AGPAT5: variants seen among roughly 807,000 people sequenced by gnomAD.
The protein encoded by AGPAT5 is 1-acylglycerol-3-phosphate O-acyltransferase 5, also known as 1-acyl-sn-glycerol-3-phosphate acyltransferase epsilon.
Under a neutral mutation model 45.6 loss-of-function variants are expected in AGPAT5, and 46 were observed. That is an observed-to-expected ratio of 1.01 (90% CI 0.80 to 1.29). The LOEUF (loss-of-function observed/expected upper bound fraction) is 1.29, where lower values mean the gene tolerates loss of function less well. AGPAT5 is among the 50% of genes most tolerant of loss of function. AGPAT5 has a pLI of 0.00. For synonymous variants in AGPAT5, 272 were observed against 167.0 expected (o/e 1.63, Z -4.85); for missense variants, 673 against 450.7 (o/e 1.49, Z -4.47).
rs188543416 is a variant in AGPAT5 at position 6,728,961 on chromosome 8, A to G, written c.290-1750A>G. ...CCAATAGTATAGATATCTCAACCCA[A>G]TAACACAGGTTGTGTCTGTCTCTGG... On this transcript the variant is annotated intron_variant, in intron 2 of 7. Transcript: ENST00000285518. Among the ~76,000 whole-genome samples the G allele has an allele frequency of 5.3e-5, 8 of 152,342 alleles. No homozygotes were observed. The East Asian group carries it at 5.8e-4, about 11-fold the overall frequency.
chr8:6,717,144 A>G (rs1800359593), intron 1 of AGPAT5, among the ~76,000 whole-genome samples: 1 of 152,238 alleles, frequency 6.6e-6, no homozygotes, highest in Non-Finnish European at 1.5e-5. Flanking sequence ...ACCTTGGTTT[A>G]GTTGTGAATC....
At chr8:6,727,771 T>C (rs2116888372) in intron 2 of AGPAT5, among the ~76,000 whole-genome samples, 1 of 152,330 alleles carries the variant, frequency 6.6e-6, no homozygotes, top group South Asian at 2.1e-4. Flanking sequence ...GTGAGTAGAA[T>C]GTTATAAAAA....
chr8:6,741,577 A>G (rs546037358), intron 4 of AGPAT5, 84 bp from the exon 5 acceptor site: 7 of 877,054 alleles, frequency 8.0e-6, no homozygotes, highest in South Asian at 3.3e-5. Flanking sequence ...CTCTGTTAGC[A>G]TTAGTAGGTT....
intron 1 of AGPAT5, among the ~76,000 whole-genome samples, chr8:6,720,867 C>G (rs1421473399): frequency 6.6e-6 from 1 of 152,174 alleles, no homozygotes; most frequent in Non-Finnish European, 1.5e-5. Context: ...TCATTGATCT[C>G]ATTGAATGCA....
intron 1 of AGPAT5, chr8:6,709,252 C>G (rs920206388): frequency 3.2e-6 from 1 of 308,682 alleles, no homozygotes; most frequent in South Asian, 2.9e-5. Context: ...TGGAACAGAT[C>G]GGAGACGTCT....
intron 6 of AGPAT5, among the ~76,000 whole-genome samples, chr8:6,754,285 T>C (rs138996631): frequency 1.7e-4 from 26 of 152,344 alleles, no homozygotes; most frequent in African/African-American, 5.3e-4. Context: ...AAGCAAGTCT[T>C]AGAAACTACA....
At position 6,726,842 on chromosome 8, in the gene AGPAT5, T is replaced by A. The variant is rs1035910309; in HGVS notation, c.289+1903T>A. Among the ~76,000 whole-genome samples the A allele has an allele frequency of 2.0e-5, 3 of 152,220 alleles. No homozygotes were observed. In the East Asian group the frequency reaches 5.8e-4, roughly 29 times the overall value. ...TCATCCCAGCAGGATTTGGGAAGGC[T>A]GCTTTTTGAAAGCCTTTTAAAATTC... On this transcript the variant is annotated intron_variant, in intron 2 of 7. Coordinates refer to ENST00000285518, the MANE Select transcript of AGPAT5 (RefSeq NM_018361.5).
rs1291572574 is a variant in AGPAT5, at chr8:6,758,001, A to G, written c.*613A>G. On this transcript the variant is annotated 3_prime_UTR_variant, in exon 8 of 8. Coordinates refer to ENST00000285518, the MANE Select transcript of AGPAT5 (RefSeq NM_018361.5). ...TTTTATATTTGCAAAATAAATTTCT[A>G]ATATTTATTGAAATTGCTTAATTTG... 6.6e-6 allele frequency: 1 copy of G among 152,266 alleles called. No individual in the cohort carries two copies. The highest frequency in any genetic ancestry group is 1.5e-5 in the Non-Finnish European group (1 of 68,058). The allele number at this position is 152,266 out of a possible 1,614,324, so 9.4% of individuals were successfully genotyped here. A position where few individuals can be genotyped will look rare whatever the true frequency, so the allele number is the denominator to read the frequency against.
At chr8:6,734,655 T>G (rs535477371) in intron 4 of AGPAT5, among the ~76,000 whole-genome samples, 8 of 152,322 alleles carry the variant, frequency 5.3e-5, no homozygotes, top group African/African-American at 1.9e-4. Flanking sequence ...GCCTTTGTCA[T>G]ACTTCCTAAG....
chr8:6,731,019 C>T (rs1315541208), intron 3 of AGPAT5, among the ~76,000 whole-genome samples, 193 bp downstream of exon 3: 1 of 151,886 alleles, frequency 6.6e-6, no homozygotes, highest in Non-Finnish European at 1.5e-5. Context: ...TAGGTGCCCA[C>T]CATCATGCCC....
At chr8:6,745,537 A>T (rs1240751865) in intron 5 of AGPAT5, among the ~76,000 whole-genome samples, 1 of 152,198 alleles carries the variant, frequency 6.6e-6, no homozygotes, top group Non-Finnish European at 1.5e-5. Flanking sequence ...ATACCTTTAT[A>T]ACCAGGAAAT....
chr8:6,722,079 C>G (rs1271959376), intron 1 of AGPAT5, among the ~76,000 whole-genome samples: 2 of 152,068 alleles, frequency 1.3e-5, no homozygotes, highest in Non-Finnish European at 2.9e-5. Context: ...TTTCAGCTCC[C>G]AGGGGTGGTA....
At chr8:6,735,085 C>G (rs2912073) in intron 4 of AGPAT5, among the ~76,000 whole-genome samples, 5 of 152,080 alleles carry the variant, frequency 3.3e-5, no homozygotes, top group South Asian at 2.1e-4. Context: ...AGGGGTGGAG[C>G]CTTCTCTGAT....
rs1052099099 is a variant in AGPAT5, at chr8:6,755,294, A to T, written c.869+120A>T. 38 of 1,175,820 alleles carry T rather than the reference A, an allele frequency of 3.2e-5. 1 individual carries two copies. The highest frequency in any genetic ancestry group is 4.3e-5 in the Non-Finnish European group (37 of 850,708). The allele number at this position is 1,175,820 out of a possible 1,614,324, so 72.8% of individuals were successfully genotyped here. On this transcript the variant is annotated intron_variant, in intron 7 of 7. Transcript: ENST00000285518. ...CTCAAGAATACATTTTATAAATTCAAATCAAATTTTATGCATGTCTGATCG... is the reference window on the plus strand; with the variant it reads ...CTCAAGAATACATTTTATAAATTCATATCAAATTTTATGCATGTCTGATCG...
chr8:6,726,090 T>G (rs1800677171), intron 2 of AGPAT5, among the ~76,000 whole-genome samples: 2 of 152,364 alleles, frequency 1.3e-5, no homozygotes, highest in Middle Eastern at 3.4e-3. Context: ...ATTACATGAC[T>G]GGTTCAGACT....
chr8:6,711,125 C>T (rs1469271), intron 1 of AGPAT5, among the ~76,000 whole-genome samples: 74,896 of 152,026 alleles, frequency 0.49, 18,618 homozygotes, highest in African/African-American at 0.54. Context: ...CACCTTTCAA[C>T]TCTAGGTTTA....
rs149142955 is a variant in AGPAT5 at position 6,760,769 on chromosome 8, A to G, written c.*3381A>G. 3.3e-3 allele frequency among the ~76,000 whole-genome samples: 508 copies of G among 152,248 alleles called. 1 individual carries two copies. Among genetic ancestry groups the G allele is most frequent in the Non-Finnish European group, 4.2e-3 (289 of 68,026 alleles). ...TTAAAGAACTTGAAATTACGTTATC[A>G]CTTAGTATAATTGACATTATATAGA... On this transcript the variant is annotated 3_prime_UTR_variant, in exon 8 of 8. Coordinates refer to ENST00000285518, the MANE Select transcript of AGPAT5 (RefSeq NM_018361.5).
chr8:6,708,735 G>C lies in AGPAT5; in HGVS notation c.67G>C (p.Gly23Arg). 1.9e-6 allele frequency: 3 copies of C among 1,607,512 alleles called. No individual in the cohort carries two copies. Among genetic ancestry groups the C allele is most frequent in the Non-Finnish European group, 2.5e-6 (3 of 1,179,638 alleles). The change falls in exon 1 of 8, where the codon GGC (glycine) becomes CGC (arginine). Residue 23 changes from glycine (G) to arginine (R), a missense_variant. Transcript: ENST00000285518. ...RYLLPSVVLL[G>R]TAPTYVLAWG... ...CCTGCTGCCCAGCGTCGTGCTCCTG[G>C]GCACGGCGCCCACCTACGTGTTGGC...
intron 6 of AGPAT5, among the ~76,000 whole-genome samples, chr8:6,754,458 T>C (rs1399550123): frequency 6.6e-6 from 1 of 152,186 alleles, no homozygotes; most frequent in Non-Finnish European, 1.5e-5. Context: ...CCCAAGTTTG[T>C]TGTGGCTGTG....
Sources: gnomAD v4.1 joint callset for allele counts (sites outside exome capture counted in the v4.1 genomes callset) on GRCh38, gnomAD v4.1.1 for gene constraint, MANE v1.5 for transcripts, NCBI Gene and HGNC (gene_info 2026-07-23, HGNC 2026-07-21) for gene names.